SHLD1: variants seen among roughly 807,000 people sequenced by gnomAD.
The protein encoded by SHLD1 is shieldin complex subunit 1.
A neutral mutation model predicts 5.5 loss-of-function variants in SHLD1; 3 were observed. The observed-to-expected ratio is 0.54, with a 90% CI of 0.25 to 1.40. The LOEUF (loss-of-function observed/expected upper bound fraction) is 1.40. SHLD1 is among the 40% of genes most tolerant of loss of function. The pLI is 0.15. For missense variants in SHLD1, 210 were observed against 244.4 expected (o/e 0.86, Z 0.94); for synonymous variants, 92 against 94.3 (o/e 0.98, Z 0.14).
intron 1 of SHLD1, among the ~76,000 whole-genome samples, chr20:5,770,917 A>T (rs954010209): frequency 1.3e-5 from 2 of 152,200 alleles, no homozygotes; most frequent in Non-Finnish European, 2.9e-5. Flanking sequence ...TCTATTATTA[A>T]TAGGTCCTTA....
chr20:5,759,943 C>T (rs548265248), intron 1 of SHLD1, among the ~76,000 whole-genome samples: 10 of 152,060 alleles, frequency 6.6e-5, no homozygotes, highest in Non-Finnish European at 1.3e-4. Flanking sequence ...TCTACACTTG[C>T]ACCATTTAAC....
At chr20:5,776,483 C>T (rs1449696654) in intron 2 of SHLD1, among the ~76,000 whole-genome samples, 1 of 152,106 alleles carries the variant, frequency 6.6e-6, no homozygotes, top group Non-Finnish European at 1.5e-5. Context: ...TTACCTCTAG[C>T]TGGGCACAGT....
chr20:5,828,750 G>A (rs1172857972), intron 2 of SHLD1, among the ~76,000 whole-genome samples: 3 of 152,104 alleles, frequency 2.0e-5, no homozygotes, highest in Admixed American at 6.5e-5. Flanking sequence ...ATTTCAAATC[G>A]ATTTAGTAAT....
chr20:5,861,011 G>T (rs1288429129), intron 2 of SHLD1, among the ~76,000 whole-genome samples: 1 of 151,910 alleles, frequency 6.6e-6, no homozygotes, highest in Non-Finnish European at 1.5e-5. Context: ...TCTGTTTTGG[G>T]TGCCCCCTGG....
At chr20:5,802,524 C>T (rs6133266) in intron 2 of SHLD1, among the ~76,000 whole-genome samples, 33,168 of 152,166 alleles carry the variant, frequency 0.22, 3,986 homozygotes, top group Middle Eastern at 0.32. Context: ...GTGGTTAGAG[C>T]AGTACCTGGT....
chr20:5,755,664 G>C (rs935629512), intron 1 of SHLD1, among the ~76,000 whole-genome samples: 10 of 151,964 alleles, frequency 6.6e-5, no homozygotes, highest in African/African-American at 2.4e-5. Context: ...GGTTCAAGCG[G>C]TTCTCCTGCT....
chr20:5,800,845 G>A (rs426189), intron 2 of SHLD1, among the ~76,000 whole-genome samples: 1 of 37,328 alleles, frequency 2.7e-5, no homozygotes, highest in Non-Finnish European at 5.4e-5. Context: ...CTATACCTGT[G>A]TGTGTGTGTG....
intron 2 of SHLD1, among the ~76,000 whole-genome samples, chr20:5,849,895 C>T (rs1430588290): frequency 7.0e-6 from 1 of 143,862 alleles, no homozygotes; most frequent in Non-Finnish European, 1.5e-5. Flanking sequence ...GGAAGCGGAG[C>T]TTGCAGTGAG....
At position 5,816,659 on chromosome 20, in the gene SHLD1, A is replaced by T. The variant is rs955693407; in HGVS notation, c.178+43616A>T. On this transcript the variant is annotated intron_variant, in intron 2 of 2. Transcript: ENST00000303142. ...GTTTCCAGTTCATATTTTTTCTGTG[A>T]TTCTGCATTCTACTCAAGAACTAAT... Among the ~76,000 whole-genome samples the T allele has an allele frequency of 2.7e-4, 41 of 152,200 alleles. 1 individual carries two copies. The highest frequency in any genetic ancestry group is 8.0e-4 in the African/African-American group (33 of 41,440).
At chr20:5,794,231 A>T (rs1291936057) in intron 2 of SHLD1, among the ~76,000 whole-genome samples, 1 of 152,184 alleles carries the variant, frequency 6.6e-6, no homozygotes, top group African/African-American at 2.4e-5. Context: ...TATCTGCTTC[A>T]TAGGTTGTCA....
chr20:5,752,317 A>T (rs1000172365), intron 1 of SHLD1, among the ~76,000 whole-genome samples: 15 of 151,640 alleles, frequency 9.9e-5, no homozygotes, highest in African/African-American at 3.4e-4. Context: ...AATTGCTTGA[A>T]CCCAGGAGAC....
intron 2 of SHLD1, among the ~76,000 whole-genome samples, chr20:5,843,035 T>C (rs2087885022): frequency 6.6e-6 from 1 of 152,184 alleles, no homozygotes; most frequent in Admixed American, 6.5e-5. Context: ...TTACTCCCAC[T>C]CGGTAAAGGT....
rs562818943 is a variant in SHLD1, at chr20:5,806,732, G to A, written c.178+33689G>A. ...GTTGGCTTTGTTAACCACCTTGGCT[G>A]CCCGTGATGCACTGATCAGTTAAGA... On this transcript the variant is annotated intron_variant, in intron 2 of 2. Transcript: ENST00000303142. This position sits in a 1 kb window ranked among gnomAD's most constrained non-coding sequence, Gnocchi z 7.6. Among the ~76,000 whole-genome samples the A allele has an allele frequency of 6.6e-6, 1 of 152,306 alleles. No homozygotes were observed. Among genetic ancestry groups the A allele is most frequent in the South Asian group, 2.1e-4 (1 of 4,828 alleles).
At chr20:5,838,283 G>T (rs1357785982) in intron 2 of SHLD1, among the ~76,000 whole-genome samples, 1 of 152,114 alleles carries the variant, frequency 6.6e-6, no homozygotes, top group Non-Finnish European at 1.5e-5. Context: ...ATATTAATTA[G>T]ACATATAAAG....
At chr20:5,857,582 G>A (rs1250302819) in intron 2 of SHLD1, among the ~76,000 whole-genome samples, 2 of 152,178 alleles carry the variant, frequency 1.3e-5, no homozygotes, top group Non-Finnish European at 2.9e-5. Context: ...GCCGAGGCGG[G>A]CAGATTACTT....
chr20:5,795,726 A>G (rs1388947037), intron 2 of SHLD1, among the ~76,000 whole-genome samples: 1 of 152,110 alleles, frequency 6.6e-6, no homozygotes, highest in Non-Finnish European at 1.5e-5. Flanking sequence ...TCATGCCTGT[A>G]ATCCCAGCAC....
chr20:5,760,207 A>G (rs1984380367), intron 1 of SHLD1, among the ~76,000 whole-genome samples: 1 of 152,078 alleles, frequency 6.6e-6, no homozygotes, highest in Admixed American at 6.6e-5. Flanking sequence ...AGGCTTCTGG[A>G]AAGGTCTAGA....
chr20:5,758,977 T>C (rs1200257682), intron 1 of SHLD1, among the ~76,000 whole-genome samples: 1 of 143,270 alleles, frequency 7.0e-6, no homozygotes, highest in Non-Finnish European at 1.5e-5. Flanking sequence ...TTTTCTGAGA[T>C]GGAGTCTCGC....
At chr20:5,839,612 G>T (rs1485040573) in intron 2 of SHLD1, among the ~76,000 whole-genome samples, 1 of 152,170 alleles carries the variant, frequency 6.6e-6, no homozygotes, top group Non-Finnish European at 1.5e-5. Context: ...AAAATACACT[G>T]CAAGCTTTAG....
Sources: gnomAD v4.1 joint callset for allele counts (sites outside exome capture counted in the v4.1 genomes callset) on GRCh38, gnomAD v4.1.1 for gene constraint, Gnocchi (gnomAD v3.1) non-coding constraint, MANE v1.5 for transcripts, NCBI Gene and HGNC (gene_info 2026-07-23, HGNC 2026-07-21) for gene names.